The following COL24A1 variants were observed in gnomAD, a reference collection of about 807,000 sequenced individuals.
COL24A1 encodes the protein collagen alpha-1(XXIV) chain.
COL24A1 carries 224 observed loss-of-function variants against 253.9 expected under a neutral mutation model. The ratio of observed to expected loss-of-function variants is 0.88; its 90% CI spans 0.79 to 0.99. The LOEUF (loss-of-function observed/expected upper bound fraction) is 0.99. Ranked by LOEUF, COL24A1 falls within the 50% of genes least tolerant of loss-of-function variation. The probability of loss-of-function intolerance (pLI) is 0.00; values close to 1 mark genes in which losing one functional copy is unlikely to be tolerated. For missense variants in COL24A1, 2,131 were observed against 2,068.5 expected (o/e 1.03, Z -0.59); for synonymous variants, 685 against 673.7 (o/e 1.02, Z -0.26).
chr1:86,045,732 A>G (rs991737197), intron 12 of COL24A1: 1 of 333,630 alleles, frequency 3.0e-6, no homozygotes, highest in East Asian at 7.8e-5. Flanking sequence ...CGTTCAATGT[A>G]AATGCAGGGA....
chr1:85,919,081 A>T (rs1474777973), intron 24 of COL24A1, among the ~76,000 whole-genome samples: 2 of 152,060 alleles, frequency 1.3e-5, no homozygotes, highest in South Asian at 2.1e-4. Context: ...TTGCCATGAG[A>T]CTAAACATGT....
chr1:85,811,929 G>A (rs1394576402), intron 47 of COL24A1, among the ~76,000 whole-genome samples: 1 of 152,200 alleles, frequency 6.6e-6, no homozygotes, highest in Non-Finnish European at 1.5e-5. Flanking sequence ...TGGTAGAGAT[G>A]CCATATGAGC....
At chr1:86,098,504 A>G (rs1049068047) in intron 5 of COL24A1, among the ~76,000 whole-genome samples, 18 of 152,218 alleles carry the variant, frequency 1.2e-4, no homozygotes, top group African/African-American at 3.9e-4. Context: ...AGAATTGAAC[A>G]TAAATATCAG....
At chr1:85,813,755 T>G (rs1018756194) in intron 47 of COL24A1, among the ~76,000 whole-genome samples, 9 of 151,310 alleles carry the variant, frequency 5.9e-5, no homozygotes, top group African/African-American at 2.2e-4. Flanking sequence ...GTTTCACCGT[T>G]TTAGCCGGGA....
intron 55 of COL24A1, among the ~76,000 whole-genome samples, chr1:85,745,775 G>A (rs1210410017): frequency 2.0e-5 from 3 of 152,098 alleles, no homozygotes; most frequent in Admixed American, 2.0e-4. Context: ...ATTTGTTTCT[G>A]TTGCCTGAAA....
intron 27 of COL24A1, 36 bp downstream of exon 27, chr1:85,908,561 AT>A: frequency 8.4e-7 from 1 of 1,185,998 alleles, no homozygotes; most frequent in Non-Finnish European, 1.2e-6. Flanking sequence ...TAAAGTAAAC[AT>A]TCCGGAAGGA....
chr1:85,778,603 C>T (rs901944898), intron 52 of COL24A1, among the ~76,000 whole-genome samples: 4 of 105,012 alleles, frequency 3.8e-5, no homozygotes, highest in Non-Finnish European at 7.7e-5. Flanking sequence ...GATTATTCTT[C>T]AATTTTTTTT....
intron 55 of COL24A1, among the ~76,000 whole-genome samples, chr1:85,758,445 A>C (rs1462335780): frequency 6.6e-6 from 1 of 152,138 alleles, no homozygotes. Flanking sequence ...CCTTTATTCT[A>C]CTAATCATTT....
At chr1:85,935,957 C>A (rs773585472) in intron 24 of COL24A1, among the ~76,000 whole-genome samples, 3 of 147,408 alleles carry the variant, frequency 2.0e-5, no homozygotes, top group Non-Finnish European at 3.0e-5. Context: ...CTGATTAAGG[C>A]GGGGTATAAA....
At chr1:85,757,330 G>A (rs1447159078) in intron 55 of COL24A1, among the ~76,000 whole-genome samples, 1 of 151,994 alleles carries the variant, frequency 6.6e-6, no homozygotes. Flanking sequence ...ATATGTATAT[G>A]GACAGGACAT....
intron 19 of COL24A1, among the ~76,000 whole-genome samples, chr1:86,001,072 T>C (rs1033866823): frequency 3.3e-5 from 5 of 151,374 alleles, no homozygotes; most frequent in Admixed American, 2.6e-4. Flanking sequence ...TTAAGGCAAG[T>C]GATGTTTTAT....
At chr1:85,771,873 T>C (rs1378966611) in intron 53 of COL24A1, among the ~76,000 whole-genome samples, 1 of 149,844 alleles carries the variant, frequency 6.7e-6, no homozygotes, top group Non-Finnish European at 1.5e-5. Flanking sequence ...TATGTATACA[T>C]GTGCCATGCT....
intron 33 of COL24A1, among the ~76,000 whole-genome samples, chr1:85,875,562 C>G (rs1393813302): frequency 2.6e-5 from 4 of 152,156 alleles, no homozygotes; most frequent in African/African-American, 9.7e-5. Context: ...CTAATCCTTT[C>G]TCTCATCCTT....
chr1:85,879,674 A>G (rs969846714), intron 32 of COL24A1, among the ~76,000 whole-genome samples: 3 of 152,194 alleles, frequency 2.0e-5, no homozygotes, highest in African/African-American at 7.2e-5. Flanking sequence ...TGTATACTGT[A>G]TTTTAAAGTA....
intron 2 of COL24A1, among the ~76,000 whole-genome samples, chr1:86,138,573 G>C (rs971464310): frequency 6.6e-6 from 1 of 152,042 alleles, no homozygotes; most frequent in Non-Finnish European, 1.5e-5. Context: ...CTCTCTCTTT[G>C]CCTGCTGCCA....
intron 19 of COL24A1, among the ~76,000 whole-genome samples, chr1:85,989,393 A>T (rs529741362): frequency 6.6e-6 from 1 of 151,764 alleles, no homozygotes; most frequent in Non-Finnish European, 1.5e-5. Flanking sequence ...ACCATCTTCC[A>T]ATCATTTACT....
intron 19 of COL24A1, among the ~76,000 whole-genome samples, chr1:86,001,292 C>A (rs929273137): frequency 5.9e-5 from 9 of 152,154 alleles, no homozygotes; most frequent in Non-Finnish European, 1.3e-4. Context: ...ATGCCAATGG[C>A]AAATAGCATT....
At chr1:85,825,214 A>G (rs1189625040) in intron 43 of COL24A1, among the ~76,000 whole-genome samples, 1 of 151,638 alleles carries the variant, frequency 6.6e-6, no homozygotes, top group Non-Finnish European at 1.5e-5. Context: ...GAGAATGATG[A>G]TTTCCAATTT....
In COL24A1 at chr1:86,013,172, C is replaced by A. The variant is rs1373954847; in HGVS notation, c.2310+3979G>T. 2.0e-5 allele frequency among the ~76,000 whole-genome samples: 3 copies of A among 152,266 alleles called. No individual in the cohort carries two copies. In the East Asian group the frequency reaches 5.8e-4, roughly 29 times the overall value. On this transcript the variant is annotated intron_variant, in intron 19 of 59. Transcript: ENST00000370571. ...AATTCTCACTCAGAAGATGTTAACC[C>A]CAAAATTCTGTAATTTTCAGATATT...
Sources: gnomAD v4.1 joint callset for allele counts (sites outside exome capture counted in the v4.1 genomes callset) on GRCh38, gnomAD v4.1.1 for gene constraint, MANE v1.5 for transcripts, NCBI Gene and HGNC (gene_info 2026-07-23, HGNC 2026-07-21) for gene names.